Variants in ABL1 observed in about 807,000 individuals in gnomAD.
ABL1 encodes tyrosine-protein kinase ABL1.
A neutral mutation model predicts 94.7 loss-of-function variants in ABL1; 11 were observed. The ratio of observed to expected loss-of-function variants is 0.12; its 90% CI spans 0.07 to 0.19. ABL1 has a LOEUF of 0.19. Among genes scored for constraint, ABL1 ranks in the 10% least tolerant of loss-of-function variants. ABL1 has a pLI of 1.00. For synonymous variants in ABL1, 656 were observed against 622.4 expected, an observed-to-expected ratio of 1.05 and a Z score of -0.80; for missense variants, 1,082 against 1,489.4, an observed-to-expected ratio of 0.73 and a Z score of 4.50.
At chr9:130,716,030 A>ATG (rs1831433703) in intron 1 of ABL1, among the ~76,000 whole-genome samples, 2 of 148,340 alleles carry the variant, frequency 1.3e-5, no homozygotes, top group African/African-American at 5.0e-5. Flanking sequence ...ATATATACAC[A>ATG]CACACACACA....
chr9:130,862,754 T>G lies in ABL1; in HGVS notation c.550-9T>G. 1 of 1,612,232 alleles carries G rather than the reference T, an allele frequency of 6.2e-7. No individual in the cohort carries two copies. Among genetic ancestry groups the G allele is most frequent in the Non-Finnish European group, 8.5e-7 (1 of 1,179,144 alleles). ...CTGTGGGCTGAAGGCTGTTCCCTGT[T>G]TCCTTCAGCTCTACGTCTCCTCCGA... On this transcript the variant is annotated splice_polypyrimidine_tract_variant and intron_variant, in intron 3 of 10. Transcript: ENST00000318560. The surrounding 1 kb of genome is among the most constrained non-coding windows in gnomAD (Gnocchi z 5.5).
chr9:130,866,075 A>G (rs772834958), intron 4 of ABL1, among the ~76,000 whole-genome samples: 55 of 152,134 alleles, frequency 3.6e-4, no homozygotes, highest in Non-Finnish European at 7.2e-4. Flanking sequence ...GATATTCCCC[A>G]ATCTGCAAAG....
intron 1 of ABL1, among the ~76,000 whole-genome samples, chr9:130,742,107 C>T (rs1831827813): frequency 6.6e-6 from 1 of 152,084 alleles, no homozygotes; most frequent in African/African-American, 2.4e-5. Flanking sequence ...AGTCGTCAGC[C>T]CACCGAGTCA....
intron 1 of ABL1, among the ~76,000 whole-genome samples, chr9:130,809,500 G>A (rs554253318): frequency 1.3e-5 from 2 of 151,596 alleles, no homozygotes; most frequent in East Asian, 3.9e-4. Context: ...AGGCTGATAA[G>A]TCCCAAAAAT....
intron 1 of ABL1, among the ~76,000 whole-genome samples, chr9:130,797,455 A>C (rs1829995262): frequency 6.6e-6 from 1 of 152,058 alleles, no homozygotes; most frequent in Non-Finnish European, 1.5e-5. Flanking sequence ...GCTCACTGCA[A>C]CTTCTGCCTC....
At chr9:130,766,138 G>A (rs773885151) in intron 1 of ABL1, among the ~76,000 whole-genome samples, 1 of 152,226 alleles carries the variant, frequency 6.6e-6, no homozygotes, top group Non-Finnish European at 1.5e-5. Flanking sequence ...GCCCCGGGCC[G>A]TGGCATGCGT....
chr9:130,740,567 ATTC>A (rs1831803664), intron 1 of ABL1, among the ~76,000 whole-genome samples: 1 of 152,194 alleles, frequency 6.6e-6, no homozygotes, highest in Non-Finnish European at 1.5e-5. Flanking sequence ...TCACCACCTT[ATTC>A]TATTAGACGT....
In ABL1 at chr9:130,880,199, G is replaced by C; in HGVS notation, c.1513+42G>C. Reference sequence around the variant, plus strand: ...GGGGTACCTGCAGTGGGGTGAAAGGGCAGCCATGTGGGACTGCAGCCTGGG... The same window carrying C: ...GGGGTACCTGCAGTGGGGTGAAAGGCCAGCCATGTGGGACTGCAGCCTGGG... On this transcript the variant is annotated intron_variant, in intron 9 of 10. Coordinates refer to ENST00000318560, the MANE Select transcript of ABL1 (RefSeq NM_005157.6). The surrounding 1 kb of genome is among the most constrained non-coding windows in gnomAD (Gnocchi z 4.4). The C allele has an allele frequency of 6.3e-7, 1 of 1,587,788 alleles. No homozygotes were observed. Among genetic ancestry groups the C allele is most frequent in the Non-Finnish European group, 8.6e-7 (1 of 1,156,202 alleles).
chr9:130,856,877 T>C (rs1404146020), intron 3 of ABL1, among the ~76,000 whole-genome samples: 2 of 152,240 alleles, frequency 1.3e-5, no homozygotes, highest in African/African-American at 2.4e-5. Context: ...AGTCCCCTGC[T>C]GGTTGACTTT....
At chr9:130,793,837 G>A (rs999918155) in intron 1 of ABL1, among the ~76,000 whole-genome samples, 8 of 152,054 alleles carry the variant, frequency 5.3e-5, no homozygotes, top group African/African-American at 1.7e-4. Context: ...CCTGAGCTCC[G>A]CCTCCTGTCA....
intron 1 of ABL1, among the ~76,000 whole-genome samples, chr9:130,736,234 G>GCCA (rs1276503244): frequency 2.0e-5 from 3 of 151,898 alleles, no homozygotes; most frequent in Admixed American, 6.6e-5. Flanking sequence ...ATAGGCATGA[G>GCCA]CCACCACACC....
Position 130,872,259 on chromosome 9 carries a change from C to G in ABL1, c.907+46C>G. On this transcript the variant is annotated intron_variant, in intron 5 of 10. Transcript: ENST00000318560. The surrounding 1 kb of genome is among the most constrained non-coding windows in gnomAD (Gnocchi z 5.0). ...GAAGAGAGGGTCTCGCGCCGCACCC[C>G]CAGGGTGACACAGGCGCTGGGGAAG... 1.3e-6 allele frequency: 2 copies of G among 1,565,078 alleles called. No homozygotes were observed. Among genetic ancestry groups the G allele is most frequent in the South Asian group, 1.1e-5 (1 of 88,892 alleles).
At chr9:130,809,417 A>AGAGAGTGT (rs1389499231) in intron 1 of ABL1, among the ~76,000 whole-genome samples, 1 of 84,306 alleles carries the variant, frequency 1.2e-5, no homozygotes, top group East Asian at 4.6e-4. Context: ...AGAGAGAGAG[A>AGAGAGTGT]GTGTGTGTGT....
chr9:130,875,570 A>G (rs1831326601), intron 7 of ABL1, among the ~76,000 whole-genome samples: 1 of 150,150 alleles, frequency 6.7e-6, no homozygotes, highest in Non-Finnish European at 1.5e-5. Context: ...CTTGCTGTTT[A>G]TTGAAGAAAC....
intron 1 of ABL1, among the ~76,000 whole-genome samples, chr9:130,753,261 A>T (rs1831990956): frequency 1.3e-5 from 2 of 152,010 alleles, no homozygotes; most frequent in Admixed American, 6.5e-5. Context: ...ATCTCAAAAA[A>T]AAAGAACACC....
intron 1 of ABL1, among the ~76,000 whole-genome samples, chr9:130,767,775 A>G (rs1832203131): frequency 6.6e-6 from 1 of 152,244 alleles, no homozygotes; most frequent in African/African-American, 2.4e-5. Context: ...ACACTCACAC[A>G]CACGTACACA....
intron 2 of ABL1, 119 bp downstream of exon 2, chr9:130,854,356 A>G (rs1457931697): frequency 8.7e-7 from 1 of 1,151,378 alleles, no homozygotes; most frequent in Non-Finnish European, 1.2e-6. Flanking sequence ...CTGCAGGGAT[A>G]TCCAAAACAA....
intron 1 of ABL1, among the ~76,000 whole-genome samples, chr9:130,736,828 C>T (rs1831750869): frequency 6.6e-6 from 1 of 152,144 alleles, no homozygotes; most frequent in Non-Finnish European, 1.5e-5. Flanking sequence ...GAGATACATA[C>T]TTATCTTTCT....
exon 1 of ABL1, chr9:130,714,306 C>A: frequency 6.3e-7 from 1 of 1,579,148 alleles, no homozygotes; most frequent in Non-Finnish European, 8.6e-7. Flanking sequence ...GAAAGGGGTA[C>A]CTATTATTAC....
Sources: gnomAD v4.1 joint callset for allele counts (sites outside exome capture counted in the v4.1 genomes callset) on GRCh38, gnomAD v4.1.1 for gene constraint, Gnocchi (gnomAD v3.1) non-coding constraint, MANE v1.5 for transcripts, NCBI Gene and HGNC (gene_info 2026-07-23, HGNC 2026-07-21) for gene names.